XKR4: variants seen among roughly 807,000 people sequenced by gnomAD.
The protein encoded by XKR4 is XK related 4, also known as XK-related protein 4.
Under a neutral mutation model 53.9 loss-of-function variants are expected in XKR4, and 12 were observed. The observed-to-expected ratio is 0.22, with a 90% CI of 0.14 to 0.36. The LOEUF (loss-of-function observed/expected upper bound fraction) is 0.36. XKR4 is among the 10% of genes least tolerant of loss of function. The pLI, the probability that XKR4 is intolerant of heterozygous loss-of-function variation, is 1.00. For synonymous variants in XKR4, 354 were observed against 362.4 expected, an observed-to-expected ratio of 0.98 and a Z score of 0.26; for missense variants, 799 against 859.5, an observed-to-expected ratio of 0.93 and a Z score of 0.88.
chr8:55,331,452 T>C (rs1366531521), intron 1 of XKR4, among the ~76,000 whole-genome samples: 1 of 152,192 alleles, frequency 6.6e-6, no homozygotes, highest in East Asian at 1.9e-4. Flanking sequence ...GTTCAATAGA[T>C]GTATTTCAGT....
At chr8:55,431,508 C>A (rs919570527) in intron 2 of XKR4, among the ~76,000 whole-genome samples, 1 of 152,112 alleles carries the variant, frequency 6.6e-6, no homozygotes, top group Non-Finnish European at 1.5e-5. Context: ...TTTCAGAAAG[C>A]AGATTATCTT....
chr8:55,260,893 C>T (rs1818515546), intron 1 of XKR4, among the ~76,000 whole-genome samples: 1 of 152,204 alleles, frequency 6.6e-6, no homozygotes, highest in Admixed American at 6.5e-5. Context: ...CCTATTGGCA[C>T]AGCTGCCAGC....
chr8:55,359,268 C>T (rs1382393520), intron 2 of XKR4, among the ~76,000 whole-genome samples: 1 of 152,186 alleles, frequency 6.6e-6, no homozygotes, highest in Non-Finnish European at 1.5e-5. Flanking sequence ...GAGGCCTGGG[C>T]TCTGGCTGTC....
intron 2 of XKR4, among the ~76,000 whole-genome samples, chr8:55,522,251 C>A (rs1474629380): frequency 6.6e-6 from 1 of 152,106 alleles, no homozygotes; most frequent in Non-Finnish European, 1.5e-5. Flanking sequence ...GAATACCAAC[C>A]AAATGGGACC....
In XKR4 at chr8:55,524,167, G is replaced by C. The variant is rs775692145; in HGVS notation, c.1893G>C (p.Arg631Ser). The C allele has an allele frequency of 1.2e-6, 2 of 1,614,210 alleles. No individual in the cohort carries two copies. The highest frequency in any genetic ancestry group is 1.7e-6 in the Non-Finnish European group (2 of 1,180,040). Residue 631 changes from arginine to serine, a missense_variant, in exon 3 of 3, where the codon AGG becomes AGC. Around this residue, in one of 3 missense-constraint regions of XKR4, gnomAD observed 269 missense variants for 264.4 expected, o/e 1.02. Transcript: ENST00000327381. ...LAFECSPSPP[R>S]LQYKDDALIQ... is the part of the protein sequence containing the mutation. The stretch of plus-strand genomic sequence containing the variant: ...TTGAATGTTCCCCATCTCCTCCAAG[G>C]CTGCAGTACAAAGATGATGCCCTTA...
intron 1 of XKR4, among the ~76,000 whole-genome samples, chr8:55,151,655 T>C (rs911116549): frequency 7.3e-4 from 111 of 152,100 alleles, no homozygotes; most frequent in African/African-American, 2.7e-3. Context: ...TAGAAAGGCA[T>C]GAAAAAAGAA....
At chr8:55,452,285 G>T in intron 2 of XKR4, 1 of 650,486 alleles carries the variant, frequency 1.5e-6, no homozygotes. Context: ...TCTGGATGCT[G>T]ATGCATTTCT....
At chr8:55,453,886 A>G (rs1295537246) in intron 2 of XKR4, 3 of 578,874 alleles carry the variant, frequency 5.2e-6, no homozygotes, top group African/African-American at 3.7e-5. Context: ...ACGGGACCCC[A>G]CACTCCAACA....
chr8:55,316,990 T>C (rs542335723), intron 1 of XKR4, among the ~76,000 whole-genome samples: 1 of 152,298 alleles, frequency 6.6e-6, no homozygotes, highest in South Asian at 2.1e-4. Flanking sequence ...GGGAAGCTTT[T>C]AATAAATATT....
intron 1 of XKR4, among the ~76,000 whole-genome samples, chr8:55,113,640 T>C (rs1478953104): frequency 6.6e-6 from 1 of 152,206 alleles, no homozygotes; most frequent in Non-Finnish European, 1.5e-5. Flanking sequence ...CATTGTATAG[T>C]GGTGAAGTCT....
intron 1 of XKR4, chr8:55,272,787 ATAGT>A (rs1333908734): frequency 2.6e-6 from 1 of 381,722 alleles, no homozygotes. Context: ...ATTGTGGCAA[ATAGT>A]TAATTAATTT....
At position 55,429,417 on chromosome 8, in the gene XKR4, A is replaced by G. The variant is rs1008789837; in HGVS notation, c.1006+71540A>G. Among the ~76,000 whole-genome samples, 5 of 152,180 alleles carry G rather than the reference A, an allele frequency of 3.3e-5. No homozygotes were observed. In the South Asian group the frequency reaches 1.0e-3, roughly 32 times the overall value. On this transcript the variant is annotated intron_variant, in intron 2 of 2. Transcript: ENST00000327381. Reference sequence around the variant, plus strand: ...AGGTTGATAACAAAAAAAAAAGAAAAGAAATATTGAGGTCGGGTGCGGTGG... The same window carrying G: ...AGGTTGATAACAAAAAAAAAAGAAAGGAAATATTGAGGTCGGGTGCGGTGG...
chr8:55,274,379 A>T (rs1005751179), intron 1 of XKR4, among the ~76,000 whole-genome samples: 1 of 151,590 alleles, frequency 6.6e-6, no homozygotes, highest in African/African-American at 2.4e-5. Context: ...CTATATCCTC[A>T]TATGGTCATC....
chr8:55,448,660 G>A (rs746554493), intron 2 of XKR4, among the ~76,000 whole-genome samples: 2 of 152,114 alleles, frequency 1.3e-5, no homozygotes, highest in Non-Finnish European at 2.9e-5. Context: ...CTGGTTTCCT[G>A]CCCACTATTT....
chr8:55,394,584 T>C (rs1323336401), intron 2 of XKR4, among the ~76,000 whole-genome samples: 2 of 152,246 alleles, frequency 1.3e-5, no homozygotes, highest in Non-Finnish European at 2.9e-5. Flanking sequence ...CAACAGTTTA[T>C]ATACTGGCAT....
intron 2 of XKR4, among the ~76,000 whole-genome samples, chr8:55,388,402 A>C (rs1019141910): frequency 1.6e-4 from 24 of 152,340 alleles, no homozygotes; most frequent in African/African-American, 5.5e-4. Context: ...CATTCAGGCT[A>C]CTATAAAAAT....
Position 55,402,353 on chromosome 8 carries a change from C to A in XKR4, c.1006+44476C>A, listed in dbSNP as rs1359232251. On this transcript the variant is annotated intron_variant, in intron 2 of 2. Coordinates refer to ENST00000327381, the MANE Select transcript of XKR4 (RefSeq NM_052898.2). ...GCAGACCAAACACTTAGAACATGAA[C>A]CACTGTGCAAATAGGTCTTAGTGAC... is the stretch of plus-strand genomic sequence containing the variant. Among the ~76,000 whole-genome samples, 4 of 152,176 alleles carry A rather than the reference C, an allele frequency of 2.6e-5. No homozygotes were observed. The East Asian group carries it at 7.7e-4, about 29-fold the overall frequency.
At chr8:55,444,896 G>T (rs894796194) in intron 2 of XKR4, among the ~76,000 whole-genome samples, 5 of 151,976 alleles carry the variant, frequency 3.3e-5, no homozygotes, top group African/African-American at 1.2e-4. Flanking sequence ...ATTCATAGCA[G>T]CATTATCTAT....
intron 1 of XKR4, among the ~76,000 whole-genome samples, chr8:55,180,665 G>A (rs1484534715): frequency 6.6e-6 from 1 of 152,076 alleles, no homozygotes; most frequent in African/African-American, 2.4e-5. Context: ...CCGAGCAGCT[G>A]GGATTACAGG....
Sources: gnomAD v4.1 joint callset for allele counts (sites outside exome capture counted in the v4.1 genomes callset) on GRCh38, gnomAD v4.1.1 for gene constraint, gnomAD v4.1.1 regional missense constraint, MANE v1.5 for transcripts, NCBI Gene and HGNC (gene_info 2026-07-23, HGNC 2026-07-21) for gene names.